Variants in ECE1 observed in about 807,000 individuals in gnomAD.
The protein encoded by ECE1 is endothelin converting enzyme 1.
Under a neutral mutation model 98.6 loss-of-function variants are expected in ECE1, and 35 were observed. That is an observed-to-expected ratio of 0.35 (90% CI 0.27 to 0.47). The LOEUF (loss-of-function observed/expected upper bound fraction) is 0.47. Ranked by LOEUF, ECE1 falls within the 20% of genes least tolerant of loss-of-function variation. The pLI is 1.00. For synonymous variants in ECE1, 394 were observed against 407.1 expected (o/e 0.97, Z 0.39); for missense variants, 814 against 1,025.3 (o/e 0.79, Z 2.81).
chr1:21,277,322 C>T (rs779745504), intron 3 of ECE1, among the ~76,000 whole-genome samples: 7 of 152,220 alleles, frequency 4.6e-5, no homozygotes, highest in South Asian at 2.1e-4. Flanking sequence ...GGAGCTGGCC[C>T]GTGGGGACTC....
intron 11 of ECE1, among the ~76,000 whole-genome samples, chr1:21,237,791 A>G (rs1163682999): frequency 6.6e-6 from 1 of 152,120 alleles, no homozygotes. Flanking sequence ...GTCACCCACA[A>G]AATAAGAAAA....
intron 10 of ECE1, 120 bp from the exon 11 acceptor site, chr1:21,238,364 T>G (rs2098191091): frequency 1.2e-6 from 1 of 806,588 alleles, no homozygotes; most frequent in Non-Finnish European, 2.1e-6. Context: ...AGGGAGAGCT[T>G]TCCGACCCAG....
intron 2 of ECE1, among the ~76,000 whole-genome samples, chr1:21,282,477 A>G (rs1208599559): frequency 1.3e-5 from 2 of 151,540 alleles, no homozygotes; most frequent in Non-Finnish European, 2.9e-5. Context: ...AATCCCAGCT[A>G]CTGGGGAGGC....
chr1:21,257,668 T>C (rs2098221588), intron 6 of ECE1, 78 bp from the exon 7 acceptor site: 2 of 1,496,562 alleles, frequency 1.3e-6, no homozygotes, highest in Non-Finnish European at 1.9e-6. Flanking sequence ...GCCCTGGGAA[T>C]GGCTGGCACA....
intron 1 of ECE1, among the ~76,000 whole-genome samples, chr1:21,317,088 T>C (rs980014329): frequency 2.6e-5 from 4 of 152,232 alleles, no homozygotes; most frequent in African/African-American, 7.2e-5. Context: ...GGGATTCAAC[T>C]GCATTTGGGA....
chr1:21,276,317 C>T (rs1488157385), intron 3 of ECE1, among the ~76,000 whole-genome samples: 6 of 152,136 alleles, frequency 3.9e-5, no homozygotes, highest in African/African-American at 7.2e-5. Context: ...TGAGCCACTG[C>T]GCCCGGCCTC....
chr1:21,280,933 A>G (rs2098253752), intron 2 of ECE1, among the ~76,000 whole-genome samples: 1 of 152,112 alleles, frequency 6.6e-6, no homozygotes, highest in African/African-American at 2.4e-5. Flanking sequence ...TCATGCCTGT[A>G]GTCCCAACAG....
intron 2 of ECE1, 89 bp downstream of exon 2, chr1:21,289,981 G>A: frequency 8.0e-7 from 1 of 1,257,626 alleles, no homozygotes; most frequent in Non-Finnish European, 1.0e-6. Context: ...GAAGAGGCGG[G>A]GTAGGTAGGG....
rs756623451 is a variant in ECE1 at position 21,260,179 on chromosome 1, G to A, written c.615+92C>T. 1.2e-5 allele frequency: 19 copies of A among 1,569,452 alleles called. No homozygotes were observed. The highest frequency in any genetic ancestry group is 1.7e-5 in the Non-Finnish European group (19 of 1,140,496). On this transcript the variant is annotated intron_variant, in intron 5 of 18. Coordinates refer to ENST00000374893, the MANE Select transcript of ECE1 (RefSeq NM_001397.3). This position sits in a 1 kb window ranked among gnomAD's most constrained non-coding sequence, Gnocchi z 4.3. ...GTGCTACCGGCTGGACGTATGAGGT[G>A]GGCCAGTGGTACCAGAAGGCTGGAG... is the stretch of plus-strand genomic sequence containing the variant.
intron 1 of ECE1, among the ~76,000 whole-genome samples, chr1:21,306,500 C>T (rs1018526017): frequency 6.6e-6 from 1 of 152,016 alleles, no homozygotes; most frequent in African/African-American, 2.4e-5. Flanking sequence ...CCACGCCTGG[C>T]TAATTTTTGT....
chr1:21,232,528 A>T (rs1573939411), intron 14 of ECE1, among the ~76,000 whole-genome samples: 1 of 152,034 alleles, frequency 6.6e-6, no homozygotes, highest in African/African-American at 2.4e-5. Context: ...TTGAAGTCTT[A>T]GGCTCAAGCG....
At chr1:21,223,835 T>C (rs903506970) in intron 17 of ECE1, among the ~76,000 whole-genome samples, 1 of 152,052 alleles carries the variant, frequency 6.6e-6, no homozygotes, top group Non-Finnish European at 1.5e-5. Flanking sequence ...TGGCCTCAAA[T>C]GATCCGCCCA....
intron 1 of ECE1, among the ~76,000 whole-genome samples, chr1:21,338,771 C>T (rs1048131324): frequency 3.9e-5 from 6 of 152,190 alleles, no homozygotes; most frequent in East Asian, 1.9e-4. Context: ...AGCCTGGGAG[C>T]GGGCCATGTG....
intron 1 of ECE1, among the ~76,000 whole-genome samples, chr1:21,323,467 C>G (rs1201624826): frequency 2.6e-5 from 4 of 152,072 alleles, no homozygotes; most frequent in African/African-American, 9.7e-5. Flanking sequence ...CAGACAAAAT[C>G]CTTGCCTTTG....
rs779729584 is a variant in ECE1 at position 21,327,025 on chromosome 1, T to C, written c.3+18351A>G. Among the ~76,000 whole-genome samples, 5 of 152,146 alleles carry C rather than the reference T, an allele frequency of 3.3e-5. No individual in the cohort carries two copies. The highest frequency in any genetic ancestry group is 7.4e-5 in the Non-Finnish European group (5 of 68,004). ...GGGGAGGGCAGGGTCCTGAGGGCCCTGGTCTCGCTGGGGTCGCATAGGTCA... is the reference window on the plus strand; with the variant it reads ...GGGGAGGGCAGGGTCCTGAGGGCCCCGGTCTCGCTGGGGTCGCATAGGTCA... On this transcript the variant is annotated intron_variant, in intron 1 of 18. Transcript: ENST00000415912. This position sits in a 1 kb window ranked among gnomAD's most constrained non-coding sequence, Gnocchi z 4.6.
intron 3 of ECE1, among the ~76,000 whole-genome samples, chr1:21,276,056 G>T (rs2103330871): frequency 1.9e-5 from 2 of 105,520 alleles, no homozygotes; most frequent in Non-Finnish European, 3.5e-5. Flanking sequence ...TTTTGAGACA[G>T]AGTTTTTGCT....
At chr1:21,279,608 A>G in intron 2 of ECE1, 1 of 1,431,490 alleles carries the variant, frequency 7.0e-7, no homozygotes, top group Non-Finnish European at 9.1e-7. Context: ...GTGGAAGGAA[A>G]AAACTACAGC....
intron 4 of ECE1, among the ~76,000 whole-genome samples, chr1:21,264,126 G>A (rs7531077): frequency 0.055 from 8,353 of 152,190 alleles, 746 homozygotes; most frequent in African/African-American, 0.19. Flanking sequence ...ACCGCAGCCT[G>A]AGGATGAGGG....
rs555535794 is a variant in ECE1 at position 21,239,604 on chromosome 1, C to T, written c.1279-1360G>A. 2.3e-3 allele frequency among the ~76,000 whole-genome samples: 352 copies of T among 152,288 alleles called. 1 individual carries two copies. Among genetic ancestry groups the T allele is most frequent in the Middle Eastern group, 0.02 (6 of 294 alleles). ...CATGGATAAATTCCACAGACTCAAG[C>T]TGAGCAAAAGCAGCCAGGCACATCG... On this transcript the variant is annotated intron_variant, in intron 10 of 18. Coordinates refer to ENST00000374893, the MANE Select transcript of ECE1 (RefSeq NM_001397.3).
Sources: allele counts gnomAD v4.1 joint callset (sites outside exome capture counted in the v4.1 genomes callset), GRCh38; gene constraint gnomAD v4.1.1; non-coding constraint Gnocchi (gnomAD v3.1); transcripts MANE v1.5; gene names NCBI Gene and HGNC (gene_info 2026-07-23, HGNC 2026-07-21).